The following MGAT4C variants were observed in gnomAD, a reference collection of about 807,000 sequenced individuals.
MGAT4C encodes MGAT4 family member C, also known as alpha-1,3-mannosyl-glycoprotein 4-beta-N-acetylglucosaminyltransferase C.
Under a neutral mutation model 40.1 loss-of-function variants are expected in MGAT4C, and 19 were observed. The ratio of observed to expected loss-of-function variants is 0.47; its 90% CI spans 0.33 to 0.70. The LOEUF (loss-of-function observed/expected upper bound fraction) is 0.70. Ranked by LOEUF, MGAT4C falls within the 30% of genes least tolerant of loss-of-function variation. MGAT4C has a pLI of 0.02. For missense variants in MGAT4C, 491 were observed against 563.2 expected (o/e 0.87, Z 1.30); for synonymous variants, 181 against 187.1 (o/e 0.97, Z 0.27).
intron 1 of MGAT4C, among the ~76,000 whole-genome samples, chr12:86,244,309 G>A (rs1443664821): frequency 6.6e-6 from 1 of 152,168 alleles, no homozygotes; most frequent in Non-Finnish European, 1.5e-5. Flanking sequence ...CAGGATGTAA[G>A]TTGTTTTACC....
chr12:86,708,309 A>G (rs984057928), intron 2 of MGAT4C, among the ~76,000 whole-genome samples: 1 of 152,246 alleles, frequency 6.6e-6, no homozygotes, highest in Non-Finnish European at 1.5e-5. Flanking sequence ...CTGCAGGAGC[A>G]CAGAAGTCAA....
chr12:86,422,520 C>T (rs1339549775), intron 3 of MGAT4C, among the ~76,000 whole-genome samples: 1 of 152,172 alleles, frequency 6.6e-6, no homozygotes, highest in Admixed American at 6.5e-5. Flanking sequence ...ACCAAAATCT[C>T]TGGTTGTAAG....
intron 3 of MGAT4C, among the ~76,000 whole-genome samples, chr12:86,356,798 T>A (rs1033387306): frequency 1.3e-5 from 2 of 151,992 alleles, no homozygotes; most frequent in Non-Finnish European, 2.9e-5. Flanking sequence ...TTGCTGAGGA[T>A]TGAGTAGATA....
At chr12:86,391,338 C>A (rs1048433780) in intron 3 of MGAT4C, among the ~76,000 whole-genome samples, 1 of 152,152 alleles carries the variant, frequency 6.6e-6, no homozygotes, top group African/African-American at 2.4e-5. Flanking sequence ...GACAGTTGTG[C>A]CAAAGGTTTG....
chr12:86,502,841 CATATATATATATGAGTTCTGCTCATATAT>C (rs1958380455), intron 2 of MGAT4C, among the ~76,000 whole-genome samples: 4 of 85,578 alleles, frequency 4.7e-5, no homozygotes, highest in Non-Finnish European at 6.7e-5. Context: ...GAGTTCTGCT[CATATATATATATGAGTTCTGCTCATATAT>C]ATATATATAT....
At chr12:86,442,739 T>C (rs561217959) in intron 2 of MGAT4C, among the ~76,000 whole-genome samples, 18 of 151,062 alleles carry the variant, frequency 1.2e-4, no homozygotes, top group Admixed American at 1.1e-3. Flanking sequence ...CTGGTCAGTG[T>C]TGACTGGTCA....
intron 2 of MGAT4C, among the ~76,000 whole-genome samples, chr12:86,545,069 C>G (rs1022939965): frequency 1.3e-5 from 2 of 151,956 alleles, no homozygotes; most frequent in African/African-American, 4.8e-5. Flanking sequence ...ATAAATATTT[C>G]TCGCTATGGA....
At chr12:86,650,272 A>C (rs1315715018) in intron 2 of MGAT4C, among the ~76,000 whole-genome samples, 1 of 151,946 alleles carries the variant, frequency 6.6e-6, no homozygotes, top group African/African-American at 2.4e-5. Context: ...TAATAAGCTT[A>C]GAGTTCTACC....
intron 4 of MGAT4C, among the ~76,000 whole-genome samples, chr12:86,263,647 T>C (rs1381602098): frequency 6.6e-6 from 1 of 152,222 alleles, no homozygotes; most frequent in Non-Finnish European, 1.5e-5. Context: ...TCAGTGCAGA[T>C]ATCTTTTTGA....
chr12:86,171,774 C>T (rs1411390814), intron 1 of MGAT4C, among the ~76,000 whole-genome samples: 1 of 152,146 alleles, frequency 6.6e-6, no homozygotes, highest in African/African-American at 2.4e-5. Flanking sequence ...TTTGCAACCC[C>T]AGTCACATCA....
intron 2 of MGAT4C, among the ~76,000 whole-genome samples, chr12:86,514,008 C>A (rs1041154081): frequency 3.3e-5 from 5 of 150,468 alleles, no homozygotes; most frequent in African/African-American, 1.2e-4. Flanking sequence ...GCAGGAAGTG[C>A]AAGCAGAAAG....
chr12:86,145,161 C>T (rs909285531), intron 1 of MGAT4C, among the ~76,000 whole-genome samples: 3 of 152,202 alleles, frequency 2.0e-5, no homozygotes, highest in East Asian at 1.9e-4. Context: ...AAACTTATAT[C>T]GCTATCCACC....
intron 2 of MGAT4C, among the ~76,000 whole-genome samples, chr12:86,672,801 T>C (rs1443838550): frequency 6.6e-6 from 1 of 152,168 alleles, no homozygotes; most frequent in East Asian, 1.9e-4. Context: ...TGTTAAATAC[T>C]ATGCTTACTA....
chr12:86,091,284 C>A (rs895498247), intron 1 of MGAT4C, among the ~76,000 whole-genome samples: 1 of 152,002 alleles, frequency 6.6e-6, no homozygotes, highest in African/African-American at 2.4e-5. Context: ...AAACACAAAA[C>A]CTCAATGTAT....
At chr12:86,692,136 C>G (rs765139011) in intron 2 of MGAT4C, among the ~76,000 whole-genome samples, 6 of 151,994 alleles carry the variant, frequency 3.9e-5, no homozygotes, top group African/African-American at 4.8e-5. Context: ...GGTATGTGAT[C>G]ATGGTAACAA....
intron 2 of MGAT4C, among the ~76,000 whole-genome samples, chr12:85,998,172 T>C (rs1886851983): frequency 1.3e-5 from 2 of 152,218 alleles, no homozygotes; most frequent in South Asian, 4.1e-4. Context: ...CCAAGCTCTA[T>C]GTTGGTCCCT....
In MGAT4C at chr12:86,080,274, T is replaced by A. The variant is rs1870581407; in HGVS notation, c.-56-30551A>T. The stretch of plus-strand genomic sequence containing the variant: ...TACCAAATCCAATATATTTCCTGTG[T>A]CTGGGCAAGCAGTTGTACTCACTAT... On this transcript the variant is annotated intron_variant, in intron 1 of 4. Coordinates refer to ENST00000611864, the MANE Select transcript of MGAT4C (RefSeq NM_001351288.2). 2.0e-5 allele frequency among the ~76,000 whole-genome samples: 3 copies of A among 152,220 alleles called. No homozygotes were observed. The South Asian group carries it at 6.2e-4, about 32-fold the overall frequency.
intron 2 of MGAT4C, among the ~76,000 whole-genome samples, chr12:86,492,300 T>A (rs1027056152): frequency 6.6e-5 from 10 of 152,016 alleles, no homozygotes; most frequent in Non-Finnish European, 8.8e-5. Flanking sequence ...AAACTACTTT[T>A]AAGTTCATAT....
At chr12:86,459,719 C>T (rs1050638124) in intron 2 of MGAT4C, among the ~76,000 whole-genome samples, 44 of 125,882 alleles carry the variant, frequency 3.5e-4, no homozygotes, top group African/African-American at 1.3e-3. Flanking sequence ...CACCCACATG[C>T]GCATACATGA....
Sources: gnomAD v4.1 joint callset for allele counts (sites outside exome capture counted in the v4.1 genomes callset) on GRCh38, gnomAD v4.1.1 for gene constraint, MANE v1.5 for transcripts, NCBI Gene and HGNC (gene_info 2026-07-23, HGNC 2026-07-21) for gene names.